SLC35F6: variants seen among roughly 807,000 people sequenced by gnomAD.
SLC35F6 encodes solute carrier family 35 member F6, also known as ANT2-binding protein.
In SLC35F6, 26 loss-of-function variants were observed where a neutral mutation model predicts 29.4. The observed-to-expected ratio is 0.89, with a 90% CI of 0.65 to 1.23. The LOEUF (loss-of-function observed/expected upper bound fraction) is 1.23, where lower values mean the gene tolerates loss of function less well. Ranked by LOEUF, SLC35F6 falls within the 50% of genes most tolerant of loss-of-function variation. SLC35F6 has a pLI of 0.00. For missense variants in SLC35F6, 428 were observed against 487.8 expected (o/e 0.88, Z 1.15); for synonymous variants, 174 against 206.6 (o/e 0.84, Z 1.35).
intron 1 of SLC35F6, among the ~76,000 whole-genome samples, chr2:26,772,733 G>A (rs1664220904): frequency 6.6e-6 from 1 of 152,160 alleles, no homozygotes. Flanking sequence ...CAAGTCCCCA[G>A]GTACCTAAAG....
At chr2:26,773,380 G>A (rs1374501702) in intron 1 of SLC35F6, among the ~76,000 whole-genome samples, 1 of 151,574 alleles carries the variant, frequency 6.6e-6, no homozygotes, top group Non-Finnish European at 1.5e-5. Context: ...TCGGGCGCCT[G>A]TAGTCCCAGC....
At chr2:26,777,673 G>C (rs779467081) in intron 5 of SLC35F6, among the ~76,000 whole-genome samples, 5 of 152,128 alleles carry the variant, frequency 3.3e-5, no homozygotes, top group Non-Finnish European at 7.3e-5. Context: ...GCAGCTGGCA[G>C]TTCTTTTTTT....
rs764641332 is a variant in SLC35F6 at position 26,775,164 on chromosome 2, T to C, written c.271T>C (p.Phe91Leu). The change falls in exon 3 of 6, where the codon TTC (phenylalanine) becomes CTC (leucine). Residue 91 changes from phenylalanine (F) to leucine (L), a missense_variant. By Grantham distance (22) the Phe-to-Leu change is conservative. Transcript: ENST00000344420. This position sits in a 1 kb window ranked among gnomAD's most constrained non-coding sequence, Gnocchi z 4.6. The stretch of plus-strand genomic sequence containing the variant: ...CCAGCAGCCCTTCAACCCTCTTCTT[T>C]TCCTGCCCCCAGCGCTCTGTGACAT... The part of the protein sequence containing the change: ...DPQQPFNPLL[F>L]LPPALCDMTG... The C allele has an allele frequency of 1.9e-6, 3 of 1,613,968 alleles. No homozygotes were observed. In the Admixed American group the frequency reaches 5.0e-5, roughly 27 times the overall value.
At chr2:26,764,893 C>G in intron 1 of SLC35F6, 1 of 985,358 alleles carries the variant, frequency 1.0e-6, no homozygotes, top group Non-Finnish European at 1.2e-6. Context: ...TAGAGCTGTG[C>G]TTTGAAGCTT....
Position 26,775,409 on chromosome 2 carries a change from T to A in SLC35F6, c.323-55T>A. On this transcript the variant is annotated intron_variant, in intron 3 of 5. Coordinates refer to ENST00000344420, the MANE Select transcript of SLC35F6 (RefSeq NM_017877.4). The surrounding 1 kb of genome is among the most constrained non-coding windows in gnomAD (Gnocchi z 4.6). ...ATGTCTATCACCAAAGACCCCTTAG[T>A]GACAGATGGCCTTCGCCTTGGGAAG... is the stretch of plus-strand genomic sequence containing the variant. 1 of 1,587,464 alleles carries A rather than the reference T, an allele frequency of 6.3e-7. No homozygotes were observed. Among genetic ancestry groups the A allele is most frequent in the Non-Finnish European group, 8.6e-7 (1 of 1,165,832 alleles).
chr2:26,769,332 G>GCTTGTC, intron 1 of SLC35F6, among the ~76,000 whole-genome samples: 1 of 152,220 alleles, frequency 6.6e-6, no homozygotes, highest in South Asian at 2.1e-4. Flanking sequence ...AGCGGCCTCA[G>GCTTGTC]CTTGTCCCCG....
intron 1 of SLC35F6, among the ~76,000 whole-genome samples, chr2:26,765,985 TG>T (rs754222905): frequency 1.3e-5 from 2 of 152,240 alleles, no homozygotes; most frequent in Non-Finnish European, 2.9e-5. Context: ...TGGGGTAAAC[TG>T]TGCTGATTCA....
intron 1 of SLC35F6, 130 bp downstream of exon 1, chr2:26,764,556 T>G: frequency 3.3e-6 from 4 of 1,206,870 alleles, no homozygotes; most frequent in Non-Finnish European, 4.7e-6. Flanking sequence ...TCGCGCGCGT[T>G]ATGACCACCC....
At chr2:26,773,023 A>G (rs1213262406) in intron 1 of SLC35F6, among the ~76,000 whole-genome samples, 1 of 152,182 alleles carries the variant, frequency 6.6e-6, no homozygotes, top group Non-Finnish European at 1.5e-5. Flanking sequence ...AGCATTAGAA[A>G]GATCTTCCAA....
At chr2:26,769,188 G>A (rs1355230734) in intron 1 of SLC35F6, among the ~76,000 whole-genome samples, 1 of 152,214 alleles carries the variant, frequency 6.6e-6, no homozygotes, top group African/African-American at 2.4e-5. Flanking sequence ...TCCTCAGTCT[G>A]TTTTCGCCAC....
intron 1 of SLC35F6, among the ~76,000 whole-genome samples, chr2:26,768,460 G>A (rs754154190): frequency 2.6e-5 from 4 of 150,966 alleles, no homozygotes; most frequent in Non-Finnish European, 4.4e-5. Flanking sequence ...CCTCCCGGGT[G>A]AACGCATTCT....
intron 1 of SLC35F6, chr2:26,764,670 C>G: frequency 1.7e-6 from 1 of 583,918 alleles, no homozygotes; most frequent in Non-Finnish European, 2.2e-6. Context: ...CCTGTTTCCA[C>G]GTCTTTTAAC....
In SLC35F6 at chr2:26,778,456, G is replaced by A; in HGVS notation, c.1061G>A (p.Ser354Asn). Reference sequence around the variant, plus strand: ...AGGGGCCGGCCCCTGGCAGAGGAGAGCGAGCAGGAGAGACTGCTGGGTGGC... The same window carrying A: ...AGGGGCCGGCCCCTGGCAGAGGAGAACGAGCAGGAGAGACTGCTGGGTGGC... ...LSRGRPLAEESEQERLLGGTR... is the reference protein window; with the variant it reads ...LSRGRPLAEENEQERLLGGTR... Residue 354 changes from serine to asparagine, a missense_variant, in exon 6 of 6, where the codon AGC becomes AAC. Transcript: ENST00000344420. The A allele has an allele frequency of 6.2e-7, 1 of 1,613,728 alleles. No homozygotes were observed. The highest frequency in any genetic ancestry group is 8.5e-7 in the Non-Finnish European group (1 of 1,179,898).
chr2:26,770,589 G>T (rs916927486), intron 1 of SLC35F6, among the ~76,000 whole-genome samples: 10 of 152,026 alleles, frequency 6.6e-5, no homozygotes, highest in African/African-American at 2.4e-4. Context: ...ATGGTGGTGG[G>T]TGCCCGTAAT....
chr2:26,766,709 C>T lies in SLC35F6; in HGVS notation c.77+2283C>T, dbSNP rs1302331758. Among the ~76,000 whole-genome samples the T allele has an allele frequency of 3.9e-5, 6 of 152,216 alleles. No individual in the cohort carries two copies. In the East Asian group the frequency reaches 5.8e-4, roughly 15 times the overall value. ...AGCATCTCATGCACAAAGAGCACCTCGCATGCCCCAGGCCCTGCTCTGCCC... is the reference window on the plus strand; with the variant it reads ...AGCATCTCATGCACAAAGAGCACCTTGCATGCCCCAGGCCCTGCTCTGCCC... On this transcript the variant is annotated intron_variant, in intron 1 of 5. Transcript: ENST00000344420.
At chr2:26,764,488 C>G (rs895226944) in intron 1 of SLC35F6, 62 bp downstream of exon 1, 2 of 1,537,192 alleles carry the variant, frequency 1.3e-6, no homozygotes, top group Admixed American at 3.9e-5. Flanking sequence ...TCTACGCCTT[C>G]CCCCTTCTTG....
intron 2 of SLC35F6, among the ~76,000 whole-genome samples, chr2:26,774,541 G>A (rs750664818): frequency 2.6e-5 from 4 of 152,236 alleles, no homozygotes; most frequent in Non-Finnish European, 5.9e-5. Flanking sequence ...AAGTGGTCAT[G>A]TCCTCACCAC....
intron 1 of SLC35F6, among the ~76,000 whole-genome samples, chr2:26,769,836 T>C (rs779372196): frequency 6.6e-6 from 1 of 152,218 alleles, no homozygotes; most frequent in Non-Finnish European, 1.5e-5. Flanking sequence ...TGAGTTTTGC[T>C]GAATACCTGC....
At chr2:26,774,463 C>G (rs773359693) in intron 2 of SLC35F6, 140 bp downstream of exon 2, 1 of 908,970 alleles carries the variant, frequency 1.1e-6, no homozygotes. Context: ...TTCTCTCTTT[C>G]CCTCCCCAGA....
Sources: gnomAD v4.1 joint callset for allele counts (sites outside exome capture counted in the v4.1 genomes callset) on GRCh38, gnomAD v4.1.1 for gene constraint, Gnocchi (gnomAD v3.1) non-coding constraint, MANE v1.5 for transcripts, NCBI Gene and HGNC (gene_info 2026-07-23, HGNC 2026-07-21) for gene names.